The following RANBP2 variants were observed in gnomAD, a reference collection of about 807,000 sequenced individuals.
RANBP2 encodes RAN binding protein 2.
RANBP2 carries 57 observed loss-of-function variants against 303.6 expected under a neutral mutation model. The observed-to-expected ratio is 0.19, with a 90% CI of 0.15 to 0.23. The LOEUF (loss-of-function observed/expected upper bound fraction) is 0.23. Among genes scored for constraint, RANBP2 ranks in the 10% least tolerant of loss-of-function variants. RANBP2 has a pLI of 1.00. For synonymous variants in RANBP2, 1,167 were observed against 1,301.5 expected, an observed-to-expected ratio of 0.90 and a Z score of 2.23; for missense variants, 3,138 against 3,780.8, an observed-to-expected ratio of 0.83 and a Z score of 4.46.
the RANBP2 span, among the ~76,000 whole-genome samples, chr2:108,953,534 G>C: frequency 2.0e-5 from 3 of 152,112 alleles, no homozygotes; most frequent in African/African-American, 7.2e-5. Context: ...TCACGGTCCT[G>C]TGCTGTTTGT....
chr2:109,427,950 C>T, the RANBP2 span, among the ~76,000 whole-genome samples: 5 of 152,246 alleles, frequency 3.3e-5, no homozygotes, highest in Non-Finnish European at 7.3e-5. Flanking sequence ...TGCACTCATC[C>T]TCGCCCTGCC....
chr2:109,035,792 G>C, the RANBP2 span, among the ~76,000 whole-genome samples: 4 of 152,070 alleles, frequency 2.6e-5, no homozygotes, highest in African/African-American at 4.8e-5. Flanking sequence ...CTGTTCCCTT[G>C]GCAGGGCAAA....
At chr2:109,568,945 T>A in the RANBP2 span, among the ~76,000 whole-genome samples, 1 of 152,198 alleles carries the variant, frequency 6.6e-6, no homozygotes, top group African/African-American at 2.4e-5. Context: ...GGCAAGAGAT[T>A]TGGGGTTGTG....
At chr2:108,913,206 C>T in the RANBP2 span, among the ~76,000 whole-genome samples, 2 of 152,086 alleles carry the variant, frequency 1.3e-5, no homozygotes, top group African/African-American at 4.8e-5. Context: ...GCCTCGGCCT[C>T]CCAAAGTGCT....
At chr2:108,800,386 T>A in the RANBP2 span, among the ~76,000 whole-genome samples, 1 of 152,040 alleles carries the variant, frequency 6.6e-6, no homozygotes, top group Non-Finnish European at 1.5e-5. Flanking sequence ...TGCCTTAATC[T>A]CCTGAGTAGC....
chr2:109,470,202 G>A, the RANBP2 span, among the ~76,000 whole-genome samples: 171 of 152,286 alleles, frequency 1.1e-3, no homozygotes, highest in Non-Finnish European at 1.8e-3. Context: ...ACCTCACTAC[G>A]TAAAGAGATG....
chr2:109,193,808 A>G, the RANBP2 span, among the ~76,000 whole-genome samples: 3 of 152,286 alleles, frequency 2.0e-5, no homozygotes, highest in East Asian at 5.8e-4. Flanking sequence ...GTGCCTTAGA[A>G]AGGGTGTTTT....
the RANBP2 span, among the ~76,000 whole-genome samples, chr2:109,325,331 CTTTTTTT>C: frequency 2.9e-4 from 19 of 66,270 alleles, no homozygotes; most frequent in Admixed American, 5.6e-4. Flanking sequence ...TTCTTTCTTT[CTTTTTTT>C]TTTTTTTTTT....
At chr2:108,886,951 G>A in the RANBP2 span, among the ~76,000 whole-genome samples, 1 of 152,108 alleles carries the variant, frequency 6.6e-6, no homozygotes, top group Non-Finnish European at 1.5e-5. Context: ...TGAGGTCTCA[G>A]TCATAAATTC....
chr2:109,026,903 A>G, the RANBP2 span, among the ~76,000 whole-genome samples: 2 of 152,010 alleles, frequency 1.3e-5, no homozygotes, highest in Admixed American at 6.6e-5. Flanking sequence ...AAATACAAAA[A>G]ATTAGCCAGG....
Position 108,781,322 on chromosome 2 carries a change from G to C in RANBP2, c.8653G>C (p.Val2885Leu). The change falls in exon 26 of 29, where the codon GTC becomes CTC. Residue 2885 changes from valine to leucine, a missense_variant. Coordinates refer to ENST00000283195, the MANE Select transcript of RANBP2 (RefSeq NM_006267.5). ...TGAAVFGTQS[V>L]GTQSAGKVGE... ...AGCAGCTGTGTTTGGAACACAGTCA[G>C]TCGGAACCCAGTCAGCCGGTAAAGT... The C allele has an allele frequency of 6.2e-7, 1 of 1,614,186 alleles. No homozygotes were observed. Among genetic ancestry groups the C allele is most frequent in the Non-Finnish European group, 8.5e-7 (1 of 1,180,038 alleles).
At chr2:109,730,643 G>T in the RANBP2 span, among the ~76,000 whole-genome samples, 3 of 152,106 alleles carry the variant, frequency 2.0e-5, no homozygotes, top group Non-Finnish European at 4.4e-5. Context: ...ATTTCTAGAG[G>T]CTAGAAGTCT....
the RANBP2 span, among the ~76,000 whole-genome samples, chr2:108,974,724 C>T: frequency 6.6e-6 from 1 of 150,920 alleles, no homozygotes; most frequent in Admixed American, 6.6e-5. Flanking sequence ...AGCAAGACTC[C>T]ATCTCAAAAA....
chr2:109,546,314 G>C, the RANBP2 span: 5 of 928,298 alleles, frequency 5.4e-6, no homozygotes, highest in African/African-American at 8.5e-5. Flanking sequence ...GCAACACAAA[G>C]GCGGACCCCA....
chr2:109,321,378 T>TGTG, the RANBP2 span, among the ~76,000 whole-genome samples: 7 of 152,232 alleles, frequency 4.6e-5, no homozygotes, highest in Non-Finnish European at 8.8e-5. Context: ...CCAAAGCCTA[T>TGTG]GTGGATTAGG....
chr2:108,851,600 G>T, the RANBP2 span, among the ~76,000 whole-genome samples: 1 of 152,180 alleles, frequency 6.6e-6, no homozygotes, highest in African/African-American at 2.4e-5. Flanking sequence ...ACCGCGCCCG[G>T]CCTTTCTCTT....
At chr2:108,812,944 A>G in the RANBP2 span, 1 of 1,609,822 alleles carries the variant, frequency 6.2e-7, no homozygotes, top group Non-Finnish European at 8.5e-7. Flanking sequence ...TTGAATTATG[A>G]TTTGATATGA....
the RANBP2 span, among the ~76,000 whole-genome samples, chr2:109,425,362 C>T: frequency 3.3e-5 from 5 of 151,852 alleles, no homozygotes; most frequent in South Asian, 2.1e-4. Context: ...ATGAAGGTGG[C>T]GACACTAAAC....
At chr2:108,868,431 T>C in the RANBP2 span, among the ~76,000 whole-genome samples, 6 of 152,222 alleles carry the variant, frequency 3.9e-5, no homozygotes, top group Non-Finnish European at 7.3e-5. Context: ...ACAAAAGCAC[T>C]GAAAAATTTG....
Sources: gnomAD v4.1 joint callset for allele counts (sites outside exome capture counted in the v4.1 genomes callset) on GRCh38, gnomAD v4.1.1 for gene constraint, MANE v1.5 for transcripts, NCBI Gene and HGNC (gene_info 2026-07-23, HGNC 2026-07-21) for gene names.